Variants in IRGC observed in about 807,000 individuals in gnomAD.
IRGC encodes interferon-inducible GTPase 5.
In IRGC, 4 loss-of-function variants were observed where a neutral mutation model predicts 16.1. That is an observed-to-expected ratio of 0.25 (90% CI 0.12 to 0.57). The LOEUF is 0.57. IRGC is among the 20% of genes least tolerant of loss of function. The pLI is 0.92. For missense variants in IRGC, 570 were observed against 643.9 expected, an observed-to-expected ratio of 0.89 and a Z score of 1.24; for synonymous variants, 307 against 299.5, an observed-to-expected ratio of 1.03 and a Z score of -0.26.
rs113626362 is a variant in IRGC, at chr19:43,719,908, C to T, written c.1350C>T (p.Tyr450=). 1.2e-6 allele frequency: 2 copies of T among 1,613,676 alleles called. No individual in the cohort carries two copies. Among genetic ancestry groups the T allele is most frequent in the Non-Finnish European group, 8.5e-7 (1 of 1,180,004 alleles). ...GGAAGCTCGGCCTCCTTCTTAAGTA[C>T]ATTCTGGACAGCTGGAAGAAACACG... The part of the protein sequence containing the change: ...TCRKLGLLLK[Y]ILDSWKKHDS... Residue 450 remains tyrosine, a synonymous_variant, in exon 2 of 2, where the codon TAC becomes TAT. Coordinates refer to ENST00000244314, the MANE Select transcript of IRGC (RefSeq NM_019612.4).
Position 43,719,525 on chromosome 19 carries a change from G to T in IRGC, c.967G>T (p.Ala323Ser), listed in dbSNP as rs764069377. Residue 323 changes from alanine (A) to serine (S), a missense_variant, in exon 2 of 2, where the codon GCA becomes TCA. Ala to Ser is a moderately conservative substitution (Grantham distance 99). Coordinates refer to ENST00000244314, the MANE Select transcript of IRGC (RefSeq NM_019612.4). ...GCTGGCCGAGCAGGTGGGCAAACAGGCAGGTGACCTGCGCTCGGTCATCCG... is the reference window on the plus strand; with the variant it reads ...GCTGGCCGAGCAGGTGGGCAAACAGTCAGGTGACCTGCGCTCGGTCATCCG... ...AKLAEQVGKQ[A>S]GDLRSVIRSP... 2 of 1,603,494 alleles carry T rather than the reference G, an allele frequency of 1.2e-6. No homozygotes were observed. Among genetic ancestry groups the T allele is most frequent in the Non-Finnish European group, 1.7e-6 (2 of 1,179,620 alleles).
rs778879896 is a variant in IRGC, at chr19:43,718,904, G to T, written c.346G>T (p.Gly116Cys). 1.2e-6 allele frequency: 2 copies of T among 1,613,082 alleles called. No homozygotes were observed. Among genetic ancestry groups the T allele is most frequent in the Admixed American group, 3.3e-5 (2 of 59,978 alleles). The change falls in exon 2 of 2, where the codon GGC becomes TGC. Residue 116 changes from glycine (G) to cysteine (C), a missense_variant. By Grantham distance (159) the Gly-to-Cys change is radical. Transcript: ENST00000244314. ...GACCCTCTGGGACCTGCCAGGAGCC[G>T]GCTCTCCAGGCTGCCCGGCTGACAA... is the stretch of plus-strand genomic sequence containing the variant. ...DVTLWDLPGA[G>C]SPGCPADKYL... is the part of the protein sequence containing the mutation.
Position 43,719,878 on chromosome 19 carries a change from C to A in IRGC, c.1320C>A (p.Thr440=), listed in dbSNP as rs778548081. Residue 440 remains threonine (T), a synonymous_variant, in exon 2 of 2, where the codon ACC becomes ACA. Coordinates refer to ENST00000244314, the MANE Select transcript of IRGC (RefSeq NM_019612.4). The part of the protein sequence containing the change: ...EGGGEEAPLS[T]CRKLGLLLKY... ...GTGGGGAGGAAGCCCCACTCTCAAC[C>A]TGCAGGAAGCTCGGCCTCCTTCTTA... 27 of 1,613,864 alleles carry A rather than the reference C, an allele frequency of 1.7e-5. No homozygotes were observed. The highest frequency in any genetic ancestry group is 1.3e-5 in the African/African-American group (1 of 74,932).
chr19:43,719,091 G>A lies in IRGC; in HGVS notation c.533G>A (p.Arg178His), dbSNP rs755174271. 1.1e-5 allele frequency: 17 copies of A among 1,609,492 alleles called. No individual in the cohort carries two copies. Among genetic ancestry groups the A allele is most frequent in the Admixed American group, 3.3e-5 (2 of 59,770 alleles). Residue 178 changes from arginine to histidine, a missense_variant, in exon 2 of 2, where the codon CGC (arginine) becomes CAC (histidine). Arg to His is a conservative substitution (Grantham distance 29, BLOSUM62 0). Coordinates refer to ENST00000244314, the MANE Select transcript of IRGC (RefSeq NM_019612.4). ...TKVDEDLAAT[R>H]TQRPSGFREA... ...GTGGACGAGGACCTGGCGGCCACGC[G>A]CACCCAGCGGCCGTCGGGCTTCAGA...
In IRGC at chr19:43,719,734, G is replaced by A. The variant is rs1225275126; in HGVS notation, c.1176G>A (p.Met392Ile). ...TGCTCCAGGGCTGCCTCAACGAGAT[G>A]GCTGAGGACGCCCAGCGTGTCCGCA... ...YTMLQGCLNE[M>I]AEDAQRVRIK... Residue 392 changes from methionine (M) to isoleucine (I), a missense_variant, in exon 2 of 2, where the codon ATG (methionine) becomes ATA (isoleucine). Physicochemically the swap from Met to Ile is conservative, Grantham distance 10. Transcript: ENST00000244314. 1 of 1,613,334 alleles carries A rather than the reference G, an allele frequency of 6.2e-7. No homozygotes were observed. Among genetic ancestry groups the A allele is most frequent in the Non-Finnish European group, 8.5e-7 (1 of 1,179,804 alleles).
chr19:43,719,969 C>G lies in IRGC; in HGVS notation c.*19C>G, dbSNP rs201944574. 2.0e-5 allele frequency: 32 copies of G among 1,610,576 alleles called. No homozygotes were observed. The East Asian group carries it at 5.3e-4, about 27-fold the overall frequency. On this transcript the variant is annotated 3_prime_UTR_variant, in exon 2 of 2. Transcript: ENST00000244314. ...GAAATAAAGAGTGCAGCCCCGCCCC[C>G]CTGCCTCACCCACAAACTAAGTCTT...
At position 43,719,786 on chromosome 19, in the gene IRGC, C is replaced by T. The variant is rs1407251329; in HGVS notation, c.1228C>T (p.Gln410Ter). Residue 410 changes from glutamine to a stop codon, truncating the protein, a stop_gained, in exon 2 of 2, where the codon CAG (glutamine) becomes TAG (stop). Coordinates refer to ENST00000244314, the MANE Select transcript of IRGC (RefSeq NM_019612.4). LOFTEE classifies it high-confidence loss of function. ...RIKALEDDEP[Q>*]PEVSLEVASD... ...CAAGGCCCTGGAGGATGACGAGCCGCAGCCGGAGGTCAGCTTGGAAGTGGC... is the reference window on the plus strand; with the variant it reads ...CAAGGCCCTGGAGGATGACGAGCCGTAGCCGGAGGTCAGCTTGGAAGTGGC... 1.9e-6 allele frequency: 3 copies of T among 1,613,838 alleles called. No homozygotes were observed. The African/African-American group carries it at 4.0e-5, about 22-fold the overall frequency.
In IRGC at chr19:43,719,909, A is replaced by G; in HGVS notation, c.1351A>G (p.Ile451Val). 1.2e-6 allele frequency: 2 copies of G among 1,613,476 alleles called. No homozygotes were observed. Among genetic ancestry groups the G allele is most frequent in the Admixed American group, 1.7e-5 (1 of 60,018 alleles). The change falls in exon 2 of 2, where the codon ATT becomes GTT. Residue 451 changes from isoleucine to valine, a missense_variant. By Grantham distance (29) the Ile-to-Val change is conservative. Transcript: ENST00000244314. The stretch of plus-strand genomic sequence containing the variant: ...GAAGCTCGGCCTCCTTCTTAAGTAC[A>G]TTCTGGACAGCTGGAAGAAACACGA... ...CRKLGLLLKY[I>V]LDSWKKHDSE... is the part of the protein sequence containing the mutation.
rs753738498 is a variant in IRGC at position 43,719,932 on chromosome 19, C to T, written c.1374C>T (p.His458=). 5 of 1,613,296 alleles carry T rather than the reference C, an allele frequency of 3.1e-6. No homozygotes were observed. The highest frequency in any genetic ancestry group is 2.2e-5 in the East Asian group (1 of 44,900). The change falls in exon 2 of 2, where the codon CAC becomes CAT. Residue 458 remains histidine (H), a synonymous_variant. Coordinates refer to ENST00000244314, the MANE Select transcript of IRGC (RefSeq NM_019612.4). ...LKYILDSWKK[H]DSEEK ...ACATTCTGGACAGCTGGAAGAAACA[C>T]GACTCAGAAGAGAAATAAAGAGTGC...
Position 43,719,572 on chromosome 19 carries a change from C to G in IRGC, c.1014C>G (p.Val338=). 6.2e-7 allele frequency: 1 copy of G among 1,602,290 alleles called. No individual in the cohort carries two copies. The highest frequency in any genetic ancestry group is 1.7e-5 in the Admixed American group (1 of 59,990). ...SVIRSPLANE[V]SPETVLRLYS... is the part of the protein sequence containing the mutation. ...TCCGCTCCCCACTGGCCAACGAGGT[C>G]TCGCCTGAGACTGTCCTGCGGCTCT... is the stretch of plus-strand genomic sequence containing the variant. Residue 338 remains valine (V), a synonymous_variant, in exon 2 of 2, where the codon GTC becomes GTG. Transcript: ENST00000244314.
chr19:43,719,284 C>A lies in IRGC; in HGVS notation c.726C>A (p.His242Gln). 6.2e-7 allele frequency: 1 copy of A among 1,608,992 alleles called. No homozygotes were observed. Among genetic ancestry groups the A allele is most frequent in the Non-Finnish European group, 8.5e-7 (1 of 1,177,248 alleles). The change falls in exon 2 of 2, where the codon CAC (histidine) becomes CAA (glutamine). Residue 242 changes from histidine (H) to glutamine (Q), a missense_variant. Transcript: ENST00000244314. The stretch of plus-strand genomic sequence containing the variant: ...ACGACCTGCCCTCCCACCGGCGCCA[C>A]GCTGGCCTGCTGTCGCTCCCCGACA... ...WEHDLPSHRR[H>Q]AGLLSLPDIS...
Position 43,719,780 on chromosome 19 carries a change from G to C in IRGC, c.1222G>C (p.Glu408Gln), listed in dbSNP as rs758650399. The C allele has an allele frequency of 6.2e-7, 1 of 1,613,940 alleles. No individual in the cohort carries two copies. Residue 408 changes from glutamate (E) to glutamine (Q), a missense_variant, in exon 2 of 2, where the codon GAG becomes CAG. Coordinates refer to ENST00000244314, the MANE Select transcript of IRGC (RefSeq NM_019612.4). Reference sequence around the variant, plus strand: ...CCGCATCAAGGCCCTGGAGGATGACGAGCCGCAGCCGGAGGTCAGCTTGGA... The same window carrying C: ...CCGCATCAAGGCCCTGGAGGATGACCAGCCGCAGCCGGAGGTCAGCTTGGA... ...RVRIKALEDD[E>Q]PQPEVSLEVA...
chr19:43,717,188 G>A (rs1439007187), intron 1 of IRGC, among the ~76,000 whole-genome samples: 1 of 152,162 alleles, frequency 6.6e-6, no homozygotes, highest in African/African-American at 2.4e-5. Flanking sequence ...GAACCCAAGG[G>A]CGTCTGAACC....
In IRGC at chr19:43,719,482, C is replaced by T. The variant is rs565345774; in HGVS notation, c.924C>T (p.Asp308=). Residue 308 remains aspartate, a synonymous_variant, in exon 2 of 2, where the codon GAC becomes GAT. Coordinates refer to ENST00000244314, the MANE Select transcript of IRGC (RefSeq NM_019612.4). ...LRGYHRSFGL[D]DDSLAKLAEQ... ...GCTACCACCGCAGCTTTGGTCTGGACGACGACTCGCTGGCCAAGCTGGCCG... is the reference window on the plus strand; with the variant it reads ...GCTACCACCGCAGCTTTGGTCTGGATGACGACTCGCTGGCCAAGCTGGCCG... 7.5e-6 allele frequency: 12 copies of T among 1,603,420 alleles called. No individual in the cohort carries two copies. Among genetic ancestry groups the T allele is most frequent in the Middle Eastern group, 1.7e-4 (1 of 6,054 alleles).
Position 43,717,298 on chromosome 19 carries a change from A to G in IRGC, c.-67+1156A>G, listed in dbSNP as rs1054770105. Among the ~76,000 whole-genome samples, 45 of 152,214 alleles carry G rather than the reference A, an allele frequency of 3.0e-4. 1 individual carries two copies. Among genetic ancestry groups the G allele is most frequent in the Non-Finnish European group, 3.5e-4 (24 of 68,028 alleles). Reference sequence around the variant, plus strand: ...CCCACGGGGCAGCTGAGGCTCAGACAGGGCGAGGACTTGCTCAAAGTCACA... The same window carrying G: ...CCCACGGGGCAGCTGAGGCTCAGACGGGGCGAGGACTTGCTCAAAGTCACA... On this transcript the variant is annotated intron_variant, in intron 1 of 1. Coordinates refer to ENST00000244314, the MANE Select transcript of IRGC (RefSeq NM_019612.4).
rs961631753 is a variant in IRGC at position 43,719,957 on chromosome 19, C to T, written c.*7C>T. 3 of 1,611,800 alleles carry T rather than the reference C, an allele frequency of 1.9e-6. No individual in the cohort carries two copies. The East Asian group carries it at 6.7e-5, about 36-fold the overall frequency. ...CGACTCAGAAGAGAAATAAAGAGTG[C>T]AGCCCCGCCCCCCTGCCTCACCCAC... On this transcript the variant is annotated 3_prime_UTR_variant, in exon 2 of 2. Coordinates refer to ENST00000244314, the MANE Select transcript of IRGC (RefSeq NM_019612.4).
In IRGC at chr19:43,718,531, C is replaced by T; in HGVS notation, c.-28C>T. ...CGCATCCTGTGACTCTCCCCTGTCC[C>T]CCGCCACCCTCTGAACCACTGGCCA... On this transcript the variant is annotated 5_prime_UTR_variant, in exon 2 of 2. Transcript: ENST00000244314. The T allele has an allele frequency of 6.5e-7, 1 of 1,536,762 alleles. No individual in the cohort carries two copies. Among genetic ancestry groups the T allele is most frequent in the South Asian group, 1.3e-5 (1 of 78,818 alleles).
Position 43,719,631 on chromosome 19 carries a change from C to T in IRGC, c.1073C>T (p.Ala358Val). 6.2e-7 allele frequency: 1 copy of T among 1,605,274 alleles called. No homozygotes were observed. The change falls in exon 2 of 2, where the codon GCC (alanine) becomes GTC (valine). Residue 358 changes from alanine to valine, a missense_variant. Ala to Val is a moderately conservative substitution (Grantham distance 64). Transcript: ENST00000244314. ...SQSSDGAMRVARAFERGIPVF... is the reference protein window; with the variant it reads ...SQSSDGAMRVVRAFERGIPVF... Reference sequence around the variant, plus strand: ...TCGTCCGACGGCGCCATGCGGGTGGCCCGCGCCTTTGAGAGGGGCATCCCT... The same window carrying T: ...TCGTCCGACGGCGCCATGCGGGTGGTCCGCGCCTTTGAGAGGGGCATCCCT...
chr19:43,719,367 C>A lies in IRGC; in HGVS notation c.809C>A (p.Thr270Asn). The A allele has an allele frequency of 6.2e-7, 1 of 1,612,252 alleles. No individual in the cohort carries two copies. The highest frequency in any genetic ancestry group is 8.5e-7 in the Non-Finnish European group (1 of 1,179,030). Residue 270 changes from threonine (T) to asparagine (N), a missense_variant, in exon 2 of 2, where the codon ACC (threonine) becomes AAC (asparagine). Transcript: ENST00000244314. The part of the protein sequence containing the change: ...KAMLQEQVLK[T>N]ALVLGVIQAL... ...ATGCTTCAAGAGCAAGTCCTCAAGA[C>A]CGCCCTGGTGTTGGGCGTCATCCAG...
Sources: allele counts gnomAD v4.1 joint callset (sites outside exome capture counted in the v4.1 genomes callset), GRCh38; gene constraint gnomAD v4.1.1; transcripts MANE v1.5; gene names NCBI Gene and HGNC (gene_info 2026-07-23, HGNC 2026-07-21).